The following EIF3H variants were observed in gnomAD, a reference collection of about 807,000 sequenced individuals.
The protein encoded by EIF3H is eukaryotic translation initiation factor 3 subunit H.
EIF3H carries 26 observed loss-of-function variants against 44.2 expected under a neutral mutation model. That is an observed-to-expected ratio of 0.59 (90% CI 0.43 to 0.82). EIF3H has a LOEUF of 0.82. Ranked by LOEUF, EIF3H falls within the 40% of genes least tolerant of loss-of-function variation. EIF3H has a pLI of 0.00. For synonymous variants in EIF3H, 166 were observed against 151.9 expected, an observed-to-expected ratio of 1.09 and a Z score of -0.68; for missense variants, 359 against 432.8, an observed-to-expected ratio of 0.83 and a Z score of 1.51.
chr8:116,733,475 G>A (rs1814983863), intron 1 of EIF3H, among the ~76,000 whole-genome samples: 3 of 152,062 alleles, frequency 2.0e-5, no homozygotes, highest in Non-Finnish European at 4.4e-5. Context: ...ACTCAGGTGT[G>A]ATCAAAGAAA....
intron 2 of EIF3H, among the ~76,000 whole-genome samples, chr8:116,723,623 A>G (rs1193733629): frequency 1.3e-5 from 2 of 152,234 alleles, no homozygotes; most frequent in African/African-American, 2.4e-5. Flanking sequence ...TCAAGGTACT[A>G]TGAAGGTGTG....
intron 2 of EIF3H, among the ~76,000 whole-genome samples, chr8:116,713,900 C>T (rs1305809276): frequency 6.6e-6 from 1 of 151,974 alleles, no homozygotes; most frequent in Non-Finnish European, 1.5e-5. Flanking sequence ...TAGTTACCTG[C>T]ATACATAATG....
At chr8:116,758,954 C>T (rs953891394), upstream of EIF3H, among the ~76,000 whole-genome samples, 3 of 152,152 alleles carry the variant, frequency 2.0e-5, no homozygotes, top group African/African-American at 7.2e-5. Flanking sequence ...AGCTCTCTAA[C>T]ATCCTAGACA....
At chr8:116,713,480 G>A (rs1338314673) in intron 2 of EIF3H, among the ~76,000 whole-genome samples, 1 of 152,084 alleles carries the variant, frequency 6.6e-6, no homozygotes, top group Non-Finnish European at 1.5e-5. Flanking sequence ...AAAACATGAA[G>A]TAAATGCAAA....
chr8:116,737,280 G>C (rs1388909539), intron 1 of EIF3H: 2 of 442,388 alleles, frequency 4.5e-6, no homozygotes, highest in Admixed American at 5.0e-5. Flanking sequence ...GTACTTGAAG[G>C]CATTTCCCTG....
intron 2 of EIF3H, among the ~76,000 whole-genome samples, chr8:116,668,873 A>G (rs1813709072): frequency 1.3e-5 from 2 of 152,142 alleles, no homozygotes; most frequent in Admixed American, 6.5e-5. Flanking sequence ...TATTATTCAG[A>G]AGTGTTCCTT....
chr8:116,741,317 CT>C (rs1237477020), intron 1 of EIF3H, among the ~76,000 whole-genome samples: 1 of 152,122 alleles, frequency 6.6e-6, no homozygotes, highest in African/African-American at 2.4e-5. Flanking sequence ...TGATGCCAAA[CT>C]TCCATTTTCT....
intron 2 of EIF3H, among the ~76,000 whole-genome samples, chr8:116,682,309 G>C (rs1422723202): frequency 6.6e-6 from 1 of 152,208 alleles, no homozygotes; most frequent in Non-Finnish European, 1.5e-5. Flanking sequence ...AGTCAATAAA[G>C]TCTCAATTGA....
chr8:116,682,056 A>G (rs1034160129), intron 2 of EIF3H, among the ~76,000 whole-genome samples: 1 of 152,320 alleles, frequency 6.6e-6, no homozygotes, highest in African/African-American at 2.4e-5. Flanking sequence ...AGAAAATCAT[A>G]ATGTCAATAG....
chr8:116,664,328 A>C (rs1186401598), intron 2 of EIF3H, among the ~76,000 whole-genome samples: 1 of 152,236 alleles, frequency 6.6e-6, no homozygotes, highest in Non-Finnish European at 1.5e-5. Context: ...ACTGTCACAT[A>C]TGAAAACACT....
intron 5 of EIF3H, among the ~76,000 whole-genome samples, chr8:116,655,460 T>C (rs867184851): frequency 6.6e-6 from 1 of 152,034 alleles, no homozygotes. Flanking sequence ...GAAAAAAGCA[T>C]TTCTGTTCTT....
intron 2 of EIF3H, among the ~76,000 whole-genome samples, chr8:116,690,664 A>G (rs1168378386): frequency 6.6e-6 from 1 of 152,254 alleles, no homozygotes; most frequent in Non-Finnish European, 1.5e-5. Flanking sequence ...CTGCTATAAC[A>G]TTACTTTGAT....
upstream of EIF3H, among the ~76,000 whole-genome samples, chr8:116,756,177 A>G (rs1815447060): frequency 6.6e-6 from 1 of 152,216 alleles, no homozygotes; most frequent in Non-Finnish European, 1.5e-5. Context: ...CGCATTATGC[A>G]TATTAGAAAA....
chr8:116,732,558 A>G (rs1814967882), intron 1 of EIF3H, among the ~76,000 whole-genome samples: 1 of 152,224 alleles, frequency 6.6e-6, no homozygotes, highest in Non-Finnish European at 1.5e-5. Flanking sequence ...ATTTCCTATC[A>G]AACATAATGT....
At chr8:116,744,058 A>T (rs1389331113) in intron 1 of EIF3H, among the ~76,000 whole-genome samples, 1 of 151,680 alleles carries the variant, frequency 6.6e-6, no homozygotes, top group African/African-American at 2.4e-5. Context: ...GTAGTTATAA[A>T]TTCAAAGAAC....
chr8:116,703,779 G>C (rs965489045), intron 2 of EIF3H, among the ~76,000 whole-genome samples: 5 of 152,140 alleles, frequency 3.3e-5, no homozygotes, highest in Admixed American at 3.3e-4. Context: ...GGCCACTACC[G>C]GTCTCCACAT....
At chr8:116,669,411 T>A (rs1031206285) in intron 2 of EIF3H, among the ~76,000 whole-genome samples, 2 of 152,122 alleles carry the variant, frequency 1.3e-5, no homozygotes, top group Non-Finnish European at 2.9e-5. Flanking sequence ...GTGACTTTTT[T>A]AAAAAAGGAA....
intron 2 of EIF3H, among the ~76,000 whole-genome samples, chr8:116,660,019 T>C (rs1422756537): frequency 6.6e-6 from 1 of 152,114 alleles, no homozygotes; most frequent in Non-Finnish European, 1.5e-5. Context: ...CCCAAGTAGC[T>C]GGGACTACAG....
chr8:116,747,009 G>A (rs1052427772), intron 1 of EIF3H, among the ~76,000 whole-genome samples: 8 of 152,170 alleles, frequency 5.3e-5, no homozygotes, highest in East Asian at 3.8e-4. Flanking sequence ...CAGACTACCC[G>A]AAGGGATTTC....
Sources: gnomAD v4.1 joint callset for allele counts (sites outside exome capture counted in the v4.1 genomes callset) on GRCh38, gnomAD v4.1.1 for gene constraint, MANE v1.5 for transcripts, NCBI Gene and HGNC (gene_info 2026-07-23, HGNC 2026-07-21) for gene names.